Variants in AGBL4 observed in about 807,000 individuals in gnomAD.
AGBL4 encodes AGBL carboxypeptidase 4.
Under a neutral mutation model 66.4 loss-of-function variants are expected in AGBL4, and 58 were observed. The ratio of observed to expected loss-of-function variants is 0.87; its 90% confidence interval spans 0.71 to 1.09. The LOEUF is 1.09. AGBL4 is among the 50% of genes least tolerant of loss of function. AGBL4 has a pLI of 0.00. For missense variants in AGBL4, 579 were observed against 631.0 expected (o/e 0.92, Z 0.88); for synonymous variants, 234 against 222.9 (o/e 1.05, Z -0.44).
chr1:49,914,020 C>T (rs1397202453), intron 1 of AGBL4, among the ~76,000 whole-genome samples: 1 of 152,150 alleles, frequency 6.6e-6, no homozygotes, highest in African/African-American at 2.4e-5. Flanking sequence ...AGGTCTTTCT[C>T]CCATTGTCTA....
intron 3 of AGBL4, among the ~76,000 whole-genome samples, chr1:49,522,270 G>C (rs1291678490): frequency 1.3e-5 from 2 of 151,946 alleles, no homozygotes; most frequent in African/African-American, 4.8e-5. Context: ...CTGAGCCTTA[G>C]TTTTCTTATG....
chr1:49,845,045 T>C, intron 2 of AGBL4: 2 of 1,448,118 alleles, frequency 1.4e-6, no homozygotes, highest in Non-Finnish European at 1.9e-6. Context: ...CTAAATGCTC[T>C]ACAGAAAACC....
Position 48,802,042 on chromosome 1 carries a change from C to T in AGBL4, c.634+65149G>A, listed in dbSNP as rs931936294. Among the ~76,000 whole-genome samples, 6 of 152,228 alleles carry T rather than the reference C, an allele frequency of 3.9e-5. No individual in the cohort carries two copies. The South Asian group carries it at 1.0e-3, about 26-fold the overall frequency. ...AGCACAAAATGAGCTATGTTAATTT[C>T]CTGCTTAAAACCCTTCACTGGCTTC... On this transcript the variant is annotated intron_variant, in intron 6 of 13. Transcript: ENST00000371839.
chr1:49,247,198 A>C (rs1038079327), intron 3 of AGBL4, among the ~76,000 whole-genome samples: 1 of 152,128 alleles, frequency 6.6e-6, no homozygotes, highest in African/African-American at 2.4e-5. Context: ...TTCCAAGGGC[A>C]AAAAATAAAT....
chr1:49,910,803 C>T (rs1650745283), intron 1 of AGBL4, among the ~76,000 whole-genome samples: 1 of 152,132 alleles, frequency 6.6e-6, no homozygotes, highest in African/African-American at 2.4e-5. Context: ...CGGTGAAAAC[C>T]CGTCTTTACT....
chr1:49,252,043 C>A (rs2148339547), intron 3 of AGBL4, among the ~76,000 whole-genome samples: 1 of 152,212 alleles, frequency 6.6e-6, no homozygotes, highest in East Asian at 1.9e-4. Flanking sequence ...AGCAAGCATT[C>A]AAAACTGGAC....
chr1:49,741,922 T>A (rs1195886007), intron 2 of AGBL4, among the ~76,000 whole-genome samples: 1 of 152,068 alleles, frequency 6.6e-6, no homozygotes, highest in Non-Finnish European at 1.5e-5. Flanking sequence ...GAGCTATCTA[T>A]GACAAACCCA....
intron 3 of AGBL4, among the ~76,000 whole-genome samples, chr1:49,665,393 G>T (rs1248410024): frequency 2.6e-5 from 4 of 152,048 alleles, no homozygotes; most frequent in African/African-American, 9.7e-5. Context: ...ACTGTATTAG[G>T]CTAGGCAAGT....
intron 5 of AGBL4, among the ~76,000 whole-genome samples, chr1:48,867,531 C>G (rs1011451214): frequency 6.6e-6 from 1 of 152,124 alleles, no homozygotes; most frequent in Non-Finnish European, 1.5e-5. Flanking sequence ...CCTAGAGCCA[C>G]AGAGAAGGTC....
chr1:49,287,603 A>T (rs1182960570), intron 3 of AGBL4, among the ~76,000 whole-genome samples: 1 of 152,238 alleles, frequency 6.6e-6, no homozygotes, highest in African/African-American at 2.4e-5. Context: ...GCCAAAAAAC[A>T]CATGAAGAAA....
intron 3 of AGBL4, among the ~76,000 whole-genome samples, chr1:49,513,933 T>G (rs1649509333): frequency 6.6e-6 from 1 of 152,006 alleles, no homozygotes; most frequent in Non-Finnish European, 1.5e-5. Context: ...AAGGACTCCA[T>G]TTCATGGGCT....
chr1:49,239,325 T>C (rs1417209830), intron 4 of AGBL4, among the ~76,000 whole-genome samples: 2 of 152,184 alleles, frequency 1.3e-5, no homozygotes, highest in African/African-American at 4.8e-5. Context: ...CAGGAGTTTA[T>C]AGACATTAAT....
chr1:49,978,454 A>C (rs188714151), intron 1 of AGBL4, among the ~76,000 whole-genome samples: 1,586 of 152,280 alleles, frequency 0.01, 13 homozygotes, highest in Non-Finnish European at 0.014. Flanking sequence ...TAAAATAAAC[A>C]ACAAAAAAAA....
At chr1:49,082,878 G>A (rs1385349663) in intron 4 of AGBL4, among the ~76,000 whole-genome samples, 1 of 152,222 alleles carries the variant, frequency 6.6e-6, no homozygotes, top group African/African-American at 2.4e-5. Flanking sequence ...TAGATACAAT[G>A]GAGGTACAGG....
chr1:49,938,368 A>G (rs888534752), intron 1 of AGBL4, among the ~76,000 whole-genome samples: 2 of 152,208 alleles, frequency 1.3e-5, no homozygotes, highest in Non-Finnish European at 2.9e-5. Context: ...CTTACCAACC[A>G]AAAATAGTCC....
At chr1:49,583,308 T>G (rs1644582062) in intron 3 of AGBL4, among the ~76,000 whole-genome samples, 1 of 152,188 alleles carries the variant, frequency 6.6e-6, no homozygotes, top group African/African-American at 2.4e-5. Context: ...ACACAGAAGC[T>G]TTTGTGCTCA....
chr1:49,377,658 T>C (rs1168527825), intron 3 of AGBL4, among the ~76,000 whole-genome samples: 3 of 152,092 alleles, frequency 2.0e-5, no homozygotes, highest in East Asian at 3.9e-4. Flanking sequence ...AAAAGACTTA[T>C]AGCAATAGCA....
chr1:49,800,317 T>C (rs1458124837), intron 2 of AGBL4, among the ~76,000 whole-genome samples: 1 of 152,182 alleles, frequency 6.6e-6, no homozygotes, highest in Non-Finnish European at 1.5e-5. Context: ...CAATCAGCCA[T>C]GTTGGGGAAC....
At chr1:48,651,009 A>G (rs919802227) in intron 8 of AGBL4, among the ~76,000 whole-genome samples, 2 of 152,084 alleles carry the variant, frequency 1.3e-5, no homozygotes, top group Non-Finnish European at 2.9e-5. Context: ...GGCCTAGGGG[A>G]CCTCTAAGGC....
Sources: gnomAD v4.1 joint callset for allele counts (sites outside exome capture counted in the v4.1 genomes callset) on GRCh38, gnomAD v4.1.1 for gene constraint, MANE v1.5 for transcripts, NCBI Gene and HGNC (gene_info 2026-07-23, HGNC 2026-07-21) for gene names.